BRAF: variants seen among roughly 807,000 people sequenced by gnomAD.
BRAF encodes the protein serine/threonine-protein kinase B-raf.
BRAF carries 16 observed loss-of-function variants against 104.6 expected under a neutral mutation model. The observed-to-expected ratio is 0.15, with a 90% CI of 0.10 to 0.23. The LOEUF is 0.23. Among genes scored for constraint, BRAF ranks in the 10% least tolerant of loss-of-function variants. The pLI, the probability that BRAF is intolerant of heterozygous loss-of-function variation, is 1.00. For missense variants in BRAF, 541 were observed against 937.3 expected (o/e 0.58, Z 5.52); for synonymous variants, 310 against 341.6 (o/e 0.91, Z 1.02).
Position 140,724,188 on chromosome 7 carries a change from C to A in BRAF, c.*2306G>T, listed in dbSNP as rs977761381. The A allele has an allele frequency of 6.8e-5, 72 of 1,056,470 alleles. 2 individuals carry two copies. The highest frequency in any genetic ancestry group is 1.1e-5 in the Non-Finnish European group (10 of 873,876). 65.4% of individuals were successfully genotyped at this position (1,056,470 alleles called of 1,614,324 possible). ...GAAACTGAAATGCTAAGCTTCCTCC[C>A]TAATGGTACCGCCCCTGCCCCTGCC... On this transcript the variant is annotated 3_prime_UTR_variant, in exon 20 of 20. Transcript: ENST00000644969.
rs192417684 is a variant in BRAF, at chr7:140,924,306, C to T, written c.138+260G>A. Among the ~76,000 whole-genome samples, 68 of 152,242 alleles carry T rather than the reference C, an allele frequency of 4.5e-4. No homozygotes were observed. The highest frequency in any genetic ancestry group is 1.6e-3 in the African/African-American group (66 of 41,570). The stretch of plus-strand genomic sequence containing the variant: ...AGTTTCGCCCCCTATTGATAGCCTC[C>T]CGCTCAACCACCGCTGCCCCAATCC... On this transcript the variant is annotated intron_variant, in intron 1 of 19. Transcript: ENST00000644969. This position sits in a 1 kb window ranked among gnomAD's most constrained non-coding sequence, Gnocchi z 4.2.
At chr7:140,846,485 T>C (rs1171569082) in intron 2 of BRAF, among the ~76,000 whole-genome samples, 2 of 152,100 alleles carry the variant, frequency 1.3e-5, no homozygotes, top group Non-Finnish European at 2.9e-5. Flanking sequence ...ATCATAGAGA[T>C]AGAAAGTAGA....
At chr7:140,783,941 C>T (rs1801117556) in intron 10 of BRAF, among the ~76,000 whole-genome samples, 1 of 152,176 alleles carries the variant, frequency 6.6e-6, no homozygotes, top group South Asian at 2.1e-4. Flanking sequence ...GAGGAGTATA[C>T]TCTTTGGAAG....
intron 3 of BRAF, among the ~76,000 whole-genome samples, chr7:140,823,071 G>A (rs961195147): frequency 5.3e-5 from 8 of 152,018 alleles, no homozygotes; most frequent in South Asian, 2.1e-4. Context: ...TGATTCTCTC[G>A]CCTTGACTTC....
intron 1 of BRAF, among the ~76,000 whole-genome samples, chr7:140,889,703 G>A (rs1813992643): frequency 6.6e-6 from 1 of 152,098 alleles, no homozygotes; most frequent in Non-Finnish European, 1.5e-5. Flanking sequence ...CACAGCCCAG[G>A]GTACTAAGGA....
intron 3 of BRAF, among the ~76,000 whole-genome samples, chr7:140,832,433 G>A (rs1806866059): frequency 6.6e-6 from 1 of 152,122 alleles, no homozygotes; most frequent in East Asian, 1.9e-4. Flanking sequence ...CATGGCAAAT[G>A]CTCAAATAGT....
chr7:140,734,249 A>G (rs1796198774), intron 19 of BRAF: 1 of 1,208,414 alleles, frequency 8.3e-7, no homozygotes, highest in Non-Finnish European at 1.0e-6. Flanking sequence ...TGGAGTCCCT[A>G]GTGGACATGT....
intron 1 of BRAF, among the ~76,000 whole-genome samples, chr7:140,871,986 G>T (rs1811644503): frequency 6.6e-6 from 1 of 152,132 alleles, no homozygotes; most frequent in African/African-American, 2.4e-5. Context: ...GGAGGCCGCG[G>T]CAGGTGGATC....
intron 1 of BRAF, among the ~76,000 whole-genome samples, chr7:140,860,061 T>C (rs1211978080): frequency 6.6e-6 from 1 of 152,194 alleles, no homozygotes; most frequent in Non-Finnish European, 1.5e-5. Context: ...AGGGTAAGAC[T>C]GGTGTTACCA....
rs1431949234 is a variant in BRAF at position 140,876,838 on chromosome 7, C to T, written c.139-26626G>A. On this transcript the variant is annotated intron_variant, in intron 1 of 19. Coordinates refer to ENST00000644969, the MANE Select transcript of BRAF (RefSeq NM_001374258.1). ...TAACATTCTACTTAACAGCTGAATA[C>T]ATGTTCTTGTCAAATGCACATGGAA... Among the ~76,000 whole-genome samples, 14 of 152,024 alleles carry T rather than the reference C, an allele frequency of 9.2e-5. 1 individual carries two copies. The East Asian group carries it at 2.7e-3, about 29-fold the overall frequency.
intron 1 of BRAF, among the ~76,000 whole-genome samples, chr7:140,874,739 A>G (rs536804240): frequency 3.3e-5 from 5 of 152,086 alleles, no homozygotes; most frequent in Non-Finnish European, 7.4e-5. Flanking sequence ...TCCAGGTGAT[A>G]TGGTTTGAAT....
At position 140,808,968 on chromosome 7, in the gene BRAF, G is replaced by A. The variant is rs770494089; in HGVS notation, c.532C>T (p.Arg178Ter). The part of the protein sequence containing the change: ...VVPARCGVTV[R>*]DSLKKALMMR... ...ATCAGTGCTTTCTTTAGACTGTCTC[G>A]GACTGTAACTCCACACCTTGCAGGT... Residue 178 changes from arginine to a stop codon, truncating the protein, a stop_gained, in exon 4 of 20, where the codon CGA becomes TGA. Coordinates refer to ENST00000644969, the MANE Select transcript of BRAF (RefSeq NM_001374258.1). LOFTEE classifies it high-confidence loss of function. 1 of 1,612,592 alleles carries A rather than the reference G, an allele frequency of 6.2e-7. No individual in the cohort carries two copies. The highest frequency in any genetic ancestry group is 8.5e-7 in the Non-Finnish European group (1 of 1,179,440).
intron 19 of BRAF, chr7:140,731,351 T>C (rs1481339579): frequency 2.0e-5 from 3 of 152,226 alleles, no homozygotes; most frequent in South Asian, 2.1e-4. Context: ...CATTCTGGCA[T>C]AGACACATCG....
chr7:140,751,606 G>A (rs545510053), intron 16 of BRAF, among the ~76,000 whole-genome samples: 49 of 152,204 alleles, frequency 3.2e-4, no homozygotes, highest in Non-Finnish European at 5.6e-4. Context: ...TTCAGATGTA[G>A]ACTTAGAGGA....
rs1795587824 is a variant in BRAF at position 140,726,191 on chromosome 7, C to T, written c.*303G>A. The T allele has an allele frequency of 8.3e-6, 10 of 1,206,818 alleles. No homozygotes were observed. Among genetic ancestry groups the T allele is most frequent in the African/African-American group, 1.6e-5 (1 of 64,042 alleles). 74.8% of individuals were successfully genotyped at this position (1,206,818 alleles called of 1,614,324 possible). ...CCAAGCTGTAGCAGCAGTTTCTTTC[C>T]ATCATGCCTGACCATCAAAAGGTCA... On this transcript the variant is annotated 3_prime_UTR_variant, in exon 20 of 20. Coordinates refer to ENST00000644969, the MANE Select transcript of BRAF (RefSeq NM_001374258.1).
At chr7:140,726,933 G>C (rs1795628347) in intron 19 of BRAF, among the ~76,000 whole-genome samples, 1 of 152,174 alleles carries the variant, frequency 6.6e-6, no homozygotes, top group African/African-American at 2.4e-5. Context: ...AGAGGCAGTA[G>C]TTATCCTCAT....
intron 1 of BRAF, among the ~76,000 whole-genome samples, chr7:140,900,679 CA>C (rs1815510922): frequency 6.6e-6 from 1 of 152,164 alleles, no homozygotes; most frequent in South Asian, 2.1e-4. Context: ...GGCACAATCT[CA>C]GCTCACCACA....
chr7:140,826,797 C>G (rs879461503), intron 3 of BRAF, among the ~76,000 whole-genome samples: 1 of 152,170 alleles, frequency 6.6e-6, no homozygotes, highest in South Asian at 2.1e-4. Context: ...TATATAATTA[C>G]GTTACCATCC....
chr7:140,905,387 G>A (rs898434763), intron 1 of BRAF, among the ~76,000 whole-genome samples: 3 of 152,146 alleles, frequency 2.0e-5, no homozygotes, highest in African/African-American at 7.2e-5. Flanking sequence ...TTTATCATTT[G>A]AGGTGACTCT....
Sources: gnomAD v4.1 joint callset for allele counts (sites outside exome capture counted in the v4.1 genomes callset) on GRCh38, gnomAD v4.1.1 for gene constraint, Gnocchi (gnomAD v3.1) non-coding constraint, MANE v1.5 for transcripts, NCBI Gene and HGNC (gene_info 2026-07-23, HGNC 2026-07-21) for gene names.